The following GMDS variants were observed in gnomAD, a reference collection of about 807,000 sequenced individuals.
GMDS encodes GDP-mannose 4,6 dehydratase.
In GMDS, 20 loss-of-function variants were observed where a neutral mutation model predicts 49.9. That is an observed-to-expected ratio of 0.40 (90% confidence interval 0.28 to 0.58). GMDS has a LOEUF of 0.58. GMDS is among the 20% of genes least tolerant of loss of function. GMDS has a pLI of 0.42. For synonymous variants in GMDS, 177 were observed against 178.6 expected (o/e 0.99, Z 0.07); for missense variants, 362 against 481.4 (o/e 0.75, Z 2.32).
chr6:1,657,838 A>C (rs1452150843), intron 9 of GMDS, among the ~76,000 whole-genome samples: 1 of 146,714 alleles, frequency 6.8e-6, no homozygotes, highest in Non-Finnish European at 1.5e-5. Flanking sequence ...AGATCCTTGT[A>C]ACAAAGAACT....
intron 6 of GMDS, among the ~76,000 whole-genome samples, chr6:1,952,523 C>T (rs547923849): frequency 6.6e-6 from 1 of 152,010 alleles, no homozygotes; most frequent in Non-Finnish European, 1.5e-5. Context: ...AAAAAAAGTT[C>T]TTCGTGACTC....
chr6:1,693,332 C>G (rs1765237127), intron 9 of GMDS, among the ~76,000 whole-genome samples: 1 of 152,222 alleles, frequency 6.6e-6, no homozygotes, highest in African/African-American at 2.4e-5. Flanking sequence ...CTGGAGCAAT[C>G]ACTGCAATTC....
At chr6:2,228,658 A>C (rs1288976426) in intron 1 of GMDS, among the ~76,000 whole-genome samples, 4 of 152,246 alleles carry the variant, frequency 2.6e-5, no homozygotes, top group Non-Finnish European at 5.9e-5. Context: ...CTCTGTAGGA[A>C]GGGCATTCAT....
At chr6:2,088,107 TA>T (rs112964788) in intron 4 of GMDS, among the ~76,000 whole-genome samples, 6,699 of 141,780 alleles carry the variant, frequency 0.047, 284 homozygotes, top group South Asian at 0.12. Flanking sequence ...ATGTAGAAAG[TA>T]AAAAAAAAAA....
chr6:1,811,146 C>T (rs1770410935), intron 7 of GMDS, among the ~76,000 whole-genome samples: 1 of 152,206 alleles, frequency 6.6e-6, no homozygotes, highest in Non-Finnish European at 1.5e-5. Context: ...TCACTGACCA[C>T]AAGACAATGC....
At chr6:1,853,656 A>G (rs1400090146) in intron 7 of GMDS, among the ~76,000 whole-genome samples, 1 of 152,096 alleles carries the variant, frequency 6.6e-6, no homozygotes, top group Non-Finnish European at 1.5e-5. Flanking sequence ...GTGGGCTGTT[A>G]GTAGCCACAG....
intron 7 of GMDS, among the ~76,000 whole-genome samples, chr6:1,867,638 TA>T (rs1358036799): frequency 1.3e-5 from 2 of 152,180 alleles, no homozygotes; most frequent in Non-Finnish European, 2.9e-5. Flanking sequence ...CAGGGATCTC[TA>T]GAAACAAGTG....
At chr6:1,982,341 T>A (rs544094892) in intron 4 of GMDS, among the ~76,000 whole-genome samples, 2 of 152,276 alleles carry the variant, frequency 1.3e-5, no homozygotes, top group South Asian at 2.1e-4. Flanking sequence ...GGATGCCCTC[T>A]CTCACCACTC....
At chr6:1,804,746 T>C (rs1410667050) in intron 7 of GMDS, among the ~76,000 whole-genome samples, 5 of 152,098 alleles carry the variant, frequency 3.3e-5, no homozygotes, top group African/African-American at 9.7e-5. Context: ...ATGGCAGAAA[T>C]GTGTTTATTC....
chr6:1,652,380 AATATATATATATTAT>A (rs1763681340), intron 9 of GMDS, among the ~76,000 whole-genome samples: 1 of 10,856 alleles, frequency 9.2e-5, no homozygotes, highest in African/African-American at 2.6e-4. Flanking sequence ...TAAAAAAAAA[AATATATATATATTAT>A]ATATATATAT....
intron 4 of GMDS, among the ~76,000 whole-genome samples, chr6:2,055,435 G>A (rs138546372): frequency 9.9e-4 from 151 of 152,168 alleles, no homozygotes; most frequent in Non-Finnish European, 5.3e-4. Flanking sequence ...TCACCTAATC[G>A]TTGGCTGGTC....
chr6:1,768,483 G>T (rs1200002311), intron 7 of GMDS, among the ~76,000 whole-genome samples: 4 of 152,180 alleles, frequency 2.6e-5, no homozygotes, highest in South Asian at 4.1e-4. Context: ...ACATACCTTA[G>T]AACTCCTGCT....
At chr6:2,042,720 T>G (rs1769760110) in intron 4 of GMDS, among the ~76,000 whole-genome samples, 1 of 152,212 alleles carries the variant, frequency 6.6e-6, no homozygotes, top group East Asian at 1.9e-4. Context: ...GAAGTGCTCT[T>G]ATTAGATTCA....
intron 1 of GMDS, among the ~76,000 whole-genome samples, chr6:2,228,388 C>T (rs1166551172): frequency 2.6e-5 from 4 of 152,202 alleles, no homozygotes; most frequent in African/African-American, 9.7e-5. Context: ...AAACCCTCTC[C>T]GTCCCACCTT....
chr6:1,712,288 A>T (rs1402778172), intron 9 of GMDS, among the ~76,000 whole-genome samples: 2 of 152,208 alleles, frequency 1.3e-5, no homozygotes, highest in East Asian at 3.8e-4. Flanking sequence ...ACAAACACTA[A>T]TTTAACCTCC....
At chr6:1,896,126 T>C (rs980250115) in intron 7 of GMDS, among the ~76,000 whole-genome samples, 2 of 152,168 alleles carry the variant, frequency 1.3e-5, no homozygotes, top group Non-Finnish European at 2.9e-5. Flanking sequence ...GGGCTGGAGC[T>C]AAGGCAGAGT....
chr6:1,628,180 T>C (rs1363925400), intron 9 of GMDS, among the ~76,000 whole-genome samples: 1 of 152,232 alleles, frequency 6.6e-6, no homozygotes, highest in Non-Finnish European at 1.5e-5. Flanking sequence ...AGTGAACTGA[T>C]AAAGCGCCAG....
chr6:2,209,833 A>G (rs1779986994), intron 1 of GMDS, among the ~76,000 whole-genome samples: 1 of 152,136 alleles, frequency 6.6e-6, no homozygotes, highest in Admixed American at 6.5e-5. Flanking sequence ...CAGATTCTTA[A>G]GCTGTTTCAG....
chr6:2,245,341 T>C lies in GMDS; in HGVS notation c.82A>G (p.Ile28Val), dbSNP rs539380910. 2.6e-6 allele frequency: 4 copies of C among 1,552,046 alleles called. No homozygotes were observed. Among genetic ancestry groups the C allele is most frequent in the Non-Finnish European group, 3.5e-6 (4 of 1,153,540 alleles). Reference protein sequence around the residue: ...EMGKPRNVALITGITGQDGSY... With the variant: ...EMGKPRNVALVTGITGQDGSY... ...CTCACCTGGCCTGTGATACCGGTGA[T>C]GAGCGCCACGTTCCTGGGCTTGCCC... is the stretch of plus-strand genomic sequence containing the variant. The change falls in exon 1 of 11, where the codon ATC (isoleucine) becomes GTC (valine). Residue 28 changes from isoleucine to valine, a missense_variant. Coordinates refer to ENST00000380815, the MANE Select transcript of GMDS (RefSeq NM_001500.4).
Sources: allele counts gnomAD v4.1 joint callset (sites outside exome capture counted in the v4.1 genomes callset), GRCh38; gene constraint gnomAD v4.1.1; transcripts MANE v1.5; gene names NCBI Gene and HGNC (gene_info 2026-07-23, HGNC 2026-07-21).